Variants in PFDN1 observed in about 807,000 individuals in gnomAD.
PFDN1 encodes prefoldin 1.
A neutral mutation model predicts 17.3 loss-of-function variants in PFDN1; 6 were observed. The ratio of observed to expected loss-of-function variants is 0.35; its 90% CI spans 0.19 to 0.69. The LOEUF is 0.69. PFDN1 is among the 30% of genes least tolerant of loss of function. The probability of loss-of-function intolerance (pLI) is 0.65; values close to 1 mark genes in which losing one functional copy is unlikely to be tolerated. For synonymous variants in PFDN1, 58 were observed against 50.1 expected, an observed-to-expected ratio of 1.16 and a Z score of -0.67; for missense variants, 113 against 146.2, an observed-to-expected ratio of 0.77 and a Z score of 1.17.
At chr5:140,298,469 C>G (rs941970073) in intron 2 of PFDN1, among the ~76,000 whole-genome samples, 1 of 151,424 alleles carries the variant, frequency 6.6e-6, no homozygotes, top group Admixed American at 6.6e-5. Flanking sequence ...GTACCTCCCC[C>G]CAACTTAAAA....
Position 140,291,998 on chromosome 5 carries a change from A to G in PFDN1, c.200+8418T>C, listed in dbSNP as rs182961700. ...ACACACACTGCTATGTTCAATTTTT[A>G]CTAATTAAAAATTACTGCCTATTTT... On this transcript the variant is annotated intron_variant, in intron 2 of 3. Transcript: ENST00000261813. 7.0e-4 allele frequency among the ~76,000 whole-genome samples: 107 copies of G among 152,324 alleles called. No homozygotes were observed. The Middle Eastern group carries it at 0.017, about 24-fold the overall frequency.
At chr5:140,296,110 TC>T (rs1765650096) in intron 2 of PFDN1, among the ~76,000 whole-genome samples, 1 of 152,182 alleles carries the variant, frequency 6.6e-6, no homozygotes, top group South Asian at 2.1e-4. Context: ...GTGATTTTGG[TC>T]AGATATAATT....
At chr5:140,258,255 A>T (rs1765015691) in intron 3 of PFDN1, among the ~76,000 whole-genome samples, 1 of 152,106 alleles carries the variant, frequency 6.6e-6, no homozygotes, top group African/African-American at 2.4e-5. Flanking sequence ...AGAGCTTCCC[A>T]AAAACGTCCT....
At chr5:140,271,622 T>C (rs1020307671) in intron 3 of PFDN1, among the ~76,000 whole-genome samples, 1 of 152,136 alleles carries the variant, frequency 6.6e-6, no homozygotes, top group Non-Finnish European at 1.5e-5. Flanking sequence ...TCCTGGAGTG[T>C]GGGTGGAGGG....
intron 3 of PFDN1, among the ~76,000 whole-genome samples, chr5:140,256,068 A>G (rs778913752): frequency 3.9e-5 from 6 of 152,138 alleles, no homozygotes; most frequent in Non-Finnish European, 7.3e-5. Flanking sequence ...CTTTCATGAC[A>G]CCACACTTCT....
chr5:140,276,572 G>C (rs1765296495), intron 3 of PFDN1, among the ~76,000 whole-genome samples: 1 of 151,972 alleles, frequency 6.6e-6, no homozygotes, highest in Admixed American at 6.6e-5. Context: ...TCTGAGGTCA[G>C]GAGTTCAAGA....
intron 3 of PFDN1, among the ~76,000 whole-genome samples, chr5:140,272,173 C>T (rs1765215791): frequency 1.3e-5 from 2 of 151,688 alleles, no homozygotes; most frequent in South Asian, 4.2e-4. Context: ...ACGCGTGCCA[C>T]CAGGCCCAGC....
Position 140,245,196 on chromosome 5 carries a change from G to A in PFDN1, c.*778C>T, listed in dbSNP as rs1764809470. ...TGAAAATTGAATAATTGGCCCACCT[G>A]GGCTGGGATGAGCCAGCTGGATCAC... On this transcript the variant is annotated 3_prime_UTR_variant, in exon 4 of 4. Coordinates refer to ENST00000261813, the MANE Select transcript of PFDN1 (RefSeq NM_002622.5). The A allele has an allele frequency of 9.0e-6, 3 of 332,988 alleles. No homozygotes were observed. Among genetic ancestry groups the A allele is most frequent in the Non-Finnish European group, 1.1e-5 (2 of 183,586 alleles). The allele number at this position is 332,988 out of a possible 1,614,324, so 20.6% of individuals were successfully genotyped here.
Position 140,254,673 on chromosome 5 carries a change from T to C in PFDN1, c.286-8616A>G, listed in dbSNP as rs971675271. On this transcript the variant is annotated intron_variant, in intron 3 of 3. Transcript: ENST00000261813. This position sits in a 1 kb window ranked among gnomAD's most constrained non-coding sequence, Gnocchi z 4.4. Reference sequence around the variant, plus strand: ...TGGTCCATGGTCATGCCCTAGGTCTTGTCAACACTAGAAGCTGCACACCTC... The same window carrying C: ...TGGTCCATGGTCATGCCCTAGGTCTCGTCAACACTAGAAGCTGCACACCTC... Among the ~76,000 whole-genome samples, 5 of 152,214 alleles carry C rather than the reference T, an allele frequency of 3.3e-5. No individual in the cohort carries two copies. The highest frequency in any genetic ancestry group is 7.3e-5 in the Non-Finnish European group (5 of 68,040).
intron 3 of PFDN1, among the ~76,000 whole-genome samples, chr5:140,278,224 AATAAAT>A (rs1192684383): frequency 6.6e-6 from 1 of 151,992 alleles, no homozygotes; most frequent in African/African-American, 2.4e-5. Context: ...ATAAAAAATA[AATAAAT>A]ATAAACAGAA....
chr5:140,272,600 T>C (rs889078140), intron 3 of PFDN1, among the ~76,000 whole-genome samples: 15 of 151,776 alleles, frequency 9.9e-5, no homozygotes, highest in Admixed American at 9.2e-4. Flanking sequence ...CCTCATGATC[T>C]ACCCGCCTCA....
At chr5:140,252,235 C>A (rs1764925290) in intron 3 of PFDN1, among the ~76,000 whole-genome samples, 1 of 152,028 alleles carries the variant, frequency 6.6e-6, no homozygotes, top group South Asian at 2.1e-4. Flanking sequence ...AGAGGGGAGA[C>A]ATACTATGGA....
intron 2 of PFDN1, among the ~76,000 whole-genome samples, chr5:140,294,206 G>C (rs1207105597): frequency 1.3e-5 from 2 of 151,924 alleles, no homozygotes; most frequent in Non-Finnish European, 2.9e-5. Context: ...TTCCCCTGTA[G>C]TATGCACTAA....
intron 3 of PFDN1, among the ~76,000 whole-genome samples, chr5:140,277,985 G>A (rs1432344344): frequency 6.6e-6 from 1 of 152,046 alleles, no homozygotes; most frequent in Non-Finnish European, 1.5e-5. Context: ...GAGGTGGGGA[G>A]ATCACTGGAG....
chr5:140,267,895 T>C (rs1405090306), intron 3 of PFDN1, among the ~76,000 whole-genome samples: 3 of 152,248 alleles, frequency 2.0e-5, no homozygotes, highest in Non-Finnish European at 4.4e-5. Context: ...ACTGATAACG[T>C]TTCCTGACCT....
chr5:140,300,101 A>G (rs556442911), intron 2 of PFDN1, among the ~76,000 whole-genome samples: 8 of 148,940 alleles, frequency 5.4e-5, no homozygotes, highest in Non-Finnish European at 1.2e-4. Context: ...GTGCAGTGGC[A>G]TGATTTCGGC....
intron 3 of PFDN1, among the ~76,000 whole-genome samples, chr5:140,246,457 G>C (rs1764831149): frequency 6.6e-6 from 1 of 152,268 alleles, no homozygotes; most frequent in Admixed American, 6.5e-5. Flanking sequence ...GCCTGGGCCA[G>C]GCGTCTGTAG....
At chr5:140,284,466 C>A (rs1415837473) in intron 2 of PFDN1, among the ~76,000 whole-genome samples, 2 of 152,166 alleles carry the variant, frequency 1.3e-5, no homozygotes, top group Non-Finnish European at 2.9e-5. Flanking sequence ...CTTTGGAAAA[C>A]ATCTTTCTTA....
intron 3 of PFDN1, among the ~76,000 whole-genome samples, chr5:140,271,587 A>G (rs960021125): frequency 2.6e-5 from 4 of 152,206 alleles, no homozygotes; most frequent in Admixed American, 2.6e-4. Flanking sequence ...TAAACGTTTT[A>G]TACTTCTTCC....
Sources: gnomAD v4.1 joint callset for allele counts (sites outside exome capture counted in the v4.1 genomes callset) on GRCh38, gnomAD v4.1.1 for gene constraint, Gnocchi (gnomAD v3.1) non-coding constraint, MANE v1.5 for transcripts, NCBI Gene and HGNC (gene_info 2026-07-23, HGNC 2026-07-21) for gene names.